The following ADPRHL1 variants were observed in gnomAD, a reference collection of about 807,000 sequenced individuals.
ADPRHL1 encodes inactive ADP-ribosyltransferase ARH2.
In ADPRHL1, 43 loss-of-function variants were observed where a neutral mutation model predicts 44.1. The ratio of observed to expected loss-of-function variants is 0.98; its 90% confidence interval spans 0.76 to 1.26. ADPRHL1 has a LOEUF of 1.26. Ranked by LOEUF, ADPRHL1 falls within the 50% of genes most tolerant of loss-of-function variation. The pLI, the probability that ADPRHL1 is intolerant of heterozygous loss-of-function variation, is 0.00. For missense variants in ADPRHL1, 2,022 were observed against 2,496.9 expected (o/e 0.81, Z 4.05); for synonymous variants, 878 against 1,017.4 (o/e 0.86, Z 2.61).
At chr13:113,424,917 A>G (rs1418393427) in intron 5 of ADPRHL1, 135 bp downstream of exon 5, 7 of 1,054,814 alleles carry the variant, frequency 6.6e-6, no homozygotes, top group Non-Finnish European at 8.0e-6. Context: ...CCCACCCATC[A>G]TCCAAAATCC....
At chr13:113,419,077 T>TCCTTTCTTCCCCTTCCCCTCCCCTTC (rs2043902462) in intron 7 of ADPRHL1, among the ~76,000 whole-genome samples, 2 of 51,924 alleles carry the variant, frequency 3.9e-5, no homozygotes, top group Admixed American at 2.7e-4. Context: ...ACTCCCTCCT[T>TCCTTTCTTCCCCTTCCCCTCCCCTTC]CCTTCCTTCT....
chr13:113,448,414 C>T (rs113013291), intron 1 of ADPRHL1, among the ~76,000 whole-genome samples: 2,716 of 138,768 alleles, frequency 0.02, 47 homozygotes, highest in Non-Finnish European at 0.024. Flanking sequence ...TGCAGTGAGC[C>T]GAGATCGCGC....
At position 113,404,905 on chromosome 13, in the gene ADPRHL1, C is replaced by T. The variant is rs939051309; in HGVS notation, c.4377G>A (p.Trp1459Ter). 73 of 1,244,638 alleles carry T rather than the reference C, an allele frequency of 5.9e-5. No individual in the cohort carries two copies. Among genetic ancestry groups the T allele is most frequent in the Non-Finnish European group, 6.5e-5 (65 of 996,590 alleles). The allele number at this position is 1,244,638 out of a possible 1,614,324, so 77.1% of individuals were successfully genotyped here. A position where few individuals can be genotyped will look rare whatever the true frequency, so the allele number is the denominator to read the frequency against. Residue 1459 changes from tryptophan (W) to a stop codon, truncating the protein, a stop_gained, in exon 8 of 8, where the codon TGG (tryptophan) becomes TGA (stop). Coordinates refer to ENST00000612156, the MANE Select transcript of ADPRHL1 (RefSeq NM_001394807.1). LOFTEE classifies it low-confidence loss of function (END_TRUNC). The stretch of plus-strand genomic sequence containing the variant: ...TCCTGGCAGCCCTGGTGCCCTCTCC[C>T]CACGCCGTGCTCCGCCCCCGCTCCT... ...PWEERGRSTA[W>*]GEGTRAARNP...
chr13:113,447,717 C>T (rs1211648881), intron 1 of ADPRHL1, among the ~76,000 whole-genome samples: 1 of 152,216 alleles, frequency 6.6e-6, no homozygotes, highest in Non-Finnish European at 1.5e-5. Flanking sequence ...TTGGGAGACA[C>T]GAGTCCTGCA....
Position 113,405,302 on chromosome 13 carries a change from ACCCACC to A in ADPRHL1, c.3974_3979del (p.Gly1325_Trp1326del), listed in dbSNP as rs2043799397. ...AGGGCCCCGCTGGTGGGTGCCACCT[ACCCACC>A]CCATGTCCACCTCCGCGGGAGGCAC... On this transcript the variant is annotated inframe_deletion, in exon 8 of 8. Coordinates refer to ENST00000612156, the MANE Select transcript of ADPRHL1 (RefSeq NM_001394807.1). The A allele has an allele frequency of 8.1e-7, 1 of 1,231,472 alleles. No homozygotes were observed. The highest frequency in any genetic ancestry group is 1.6e-5 in the African/African-American group (1 of 64,306). 76.3% of individuals were successfully genotyped at this position (1,231,472 alleles called of 1,614,324 possible).
chr13:113,436,483 C>T (rs1279318078), intron 2 of ADPRHL1, among the ~76,000 whole-genome samples: 2 of 4,522 alleles, frequency 4.4e-4, no homozygotes, highest in East Asian at 7.5e-3. Flanking sequence ...ACCCCGGGAC[C>T]CGGCACCCAG....
At chr13:113,423,121 G>A in intron 6 of ADPRHL1, 142 bp from the exon 7 acceptor site, 2 of 1,174,872 alleles carry the variant, frequency 1.7e-6, no homozygotes, top group Non-Finnish European at 2.3e-6. Context: ...GGCCAGCGCG[G>A]TGGCTCACGC....
rs187372701 is a variant in ADPRHL1, at chr13:113,419,364, G to A, written c.1061+3462C>T. On this transcript the variant is annotated intron_variant, in intron 7 of 7. Coordinates refer to ENST00000612156, the MANE Select transcript of ADPRHL1 (RefSeq NM_001394807.1). ...ACTCCTAAGCTCAAGCGATCCTCCC[G>A]CCTCAGCCTCCCAAAGTGCTGGGAT... Among the ~76,000 whole-genome samples the A allele has an allele frequency of 7.9e-5, 11 of 139,462 alleles. No homozygotes were observed. The East Asian group carries it at 1.1e-3, about 13-fold the overall frequency. 91.5% of individuals were successfully genotyped at this position (139,462 alleles called of 152,430 possible).
At chr13:113,419,318 T>C (rs2139612057) in intron 7 of ADPRHL1, among the ~76,000 whole-genome samples, 1 of 136,794 alleles carries the variant, frequency 7.3e-6, no homozygotes, top group Non-Finnish European at 1.6e-5. Flanking sequence ...GGTTTTGCCA[T>C]GTTGCCCAGG....
intron 7 of ADPRHL1, chr13:113,410,145 A>T (rs1182022192): frequency 1.0e-6 from 1 of 985,158 alleles, no homozygotes; most frequent in Non-Finnish European, 1.2e-6. Context: ...GACGGACCCC[A>T]CACGGAGGAG....
Position 113,443,620 on chromosome 13 carries a change from A to AAAAT in ADPRHL1, c.379+801_379+804dup, listed in dbSNP as rs1054239943. On this transcript the variant is annotated intron_variant, in intron 2 of 7. Transcript: ENST00000612156. ...GGTGATGGAGTGAGACCCTGTCTAC[A>AAAAT]AAATAAATAAATAAATAAATGATTA... Among the ~76,000 whole-genome samples, 9 of 152,038 alleles carry AAAAT rather than the reference A, an allele frequency of 5.9e-5. No homozygotes were observed. In the South Asian group the frequency reaches 1.0e-3, roughly 18 times the overall value.
Position 113,406,904 on chromosome 13 carries a change from C to G in ADPRHL1, c.2378G>C (p.Gly793Ala). The G allele has an allele frequency of 8.1e-7, 1 of 1,232,190 alleles. No individual in the cohort carries two copies. The highest frequency in any genetic ancestry group is 1.0e-6 in the Non-Finnish European group (1 of 988,124). 76.3% of individuals were successfully genotyped at this position (1,232,190 alleles called of 1,614,324 possible). The change falls in exon 8 of 8, where the codon GGA (glycine) becomes GCA (alanine). Residue 793 changes from glycine (G) to alanine (A), a missense_variant. Gly to Ala is a moderately conservative substitution (Grantham distance 60). Transcript: ENST00000612156. ...TCTCCCTGGGTCTGGGAAGCCTGCT[C>G]CTTCCCTTTCATCCTCTGAACTGCA... The part of the protein sequence containing the change: ...TVCSSEDERE[G>A]AGFPDPGRDP...
At chr13:113,437,720 T>C (rs2044071436) in intron 2 of ADPRHL1, among the ~76,000 whole-genome samples, 1 of 152,252 alleles carries the variant, frequency 6.6e-6, no homozygotes, top group Admixed American at 6.5e-5. Flanking sequence ...GTTTGGGCTG[T>C]GTCCAGTCTG....
intron 7 of ADPRHL1, among the ~76,000 whole-genome samples, chr13:113,419,949 T>C (rs1195499660): frequency 6.6e-6 from 1 of 151,638 alleles, no homozygotes; most frequent in Non-Finnish European, 1.5e-5. Flanking sequence ...AGCATGGCCT[T>C]GTTATCTCAC....
chr13:113,429,073 G>A lies in ADPRHL1; in HGVS notation c.525C>T (p.Cys175=), dbSNP rs1444945921. 1.2e-6 allele frequency: 2 copies of A among 1,611,404 alleles called. No individual in the cohort carries two copies. The highest frequency in any genetic ancestry group is 2.7e-5 in the African/African-American group (2 of 74,804). The change falls in exon 4 of 8, where the codon TGC becomes TGT. Residue 175 remains cysteine (C), a synonymous_variant. Transcript: ENST00000612156. ...NHPTGFLGSL[C]TALFVSFAAQ... is the part of the protein sequence containing the mutation. Reference sequence around the variant, plus strand: ...CGGCGAACGACACAAACAGGGCCGTGCACAGGGAGCCCAGGAAGCCTGGAG... The same window carrying A: ...CGGCGAACGACACAAACAGGGCCGTACACAGGGAGCCCAGGAAGCCTGGAG...
intron 7 of ADPRHL1, among the ~76,000 whole-genome samples, chr13:113,419,553 C>T (rs1320206158): frequency 2.0e-5 from 3 of 151,986 alleles, no homozygotes; most frequent in South Asian, 2.1e-4. Flanking sequence ...AATACAGCAT[C>T]GCTGCGCTGT....
In ADPRHL1 at chr13:113,403,680, G is replaced by A. The variant is rs1406466434; in HGVS notation, c.5602C>T (p.Pro1868Ser). ...SAGYPPPGSRPLRGKSIATSP... is the reference protein window; with the variant it reads ...SAGYPPPGSRSLRGKSIATSP... Reference sequence around the variant, plus strand: ...GTGGCAATGCTCTTGCCCCTGAGGGGGCGGCTTCCTGGGGGTGGGTACCCG... The same window carrying A: ...GTGGCAATGCTCTTGCCCCTGAGGGAGCGGCTTCCTGGGGGTGGGTACCCG... Residue 1868 changes from proline (P) to serine (S), a missense_variant, in exon 8 of 8, where the codon CCC (proline) becomes TCC (serine). Physicochemically the swap from Pro to Ser is moderately conservative, Grantham distance 74. Transcript: ENST00000612156. 1.6e-6 allele frequency: 2 copies of A among 1,231,820 alleles called. No homozygotes were observed. Among genetic ancestry groups the A allele is most frequent in the East Asian group, 3.2e-5 (1 of 31,708 alleles). The allele number at this position is 1,231,820 out of a possible 1,614,324, so 76.3% of individuals were successfully genotyped here.
intron 2 of ADPRHL1, among the ~76,000 whole-genome samples, chr13:113,434,337 T>G (rs72666950): frequency 0.073 from 7,171 of 98,538 alleles, 220 homozygotes; most frequent in Non-Finnish European, 0.1. Flanking sequence ...GTGTACCCCG[T>G]GACCCAGCAT....
At chr13:113,442,338 C>T (rs2044105210) in intron 2 of ADPRHL1, among the ~76,000 whole-genome samples, 1 of 152,178 alleles carries the variant, frequency 6.6e-6, no homozygotes, top group African/African-American at 2.4e-5. Flanking sequence ...ATCTGTTGTC[C>T]CATCTATGTG....
Sources: gnomAD v4.1 joint callset for allele counts (sites outside exome capture counted in the v4.1 genomes callset) on GRCh38, gnomAD v4.1.1 for gene constraint, MANE v1.5 for transcripts, NCBI Gene and HGNC (gene_info 2026-07-23, HGNC 2026-07-21) for gene names.